ANGEL2: variants seen among roughly 807,000 people sequenced by gnomAD.
The protein encoded by ANGEL2 is angel homolog 2.
ANGEL2 carries 41 observed loss-of-function variants against 66.0 expected under a neutral mutation model. That is an observed-to-expected ratio of 0.62 (90% CI 0.48 to 0.81). The LOEUF (loss-of-function observed/expected upper bound fraction) is 0.81. ANGEL2 is among the 30% of genes least tolerant of loss of function. The pLI is 0.00. For synonymous variants in ANGEL2, 208 were observed against 226.5 expected, an observed-to-expected ratio of 0.92 and a Z score of 0.73; for missense variants, 561 against 641.6, an observed-to-expected ratio of 0.87 and a Z score of 1.36.
At chr1:212,997,695 TG>T (rs1179148105) in intron 7 of ANGEL2, among the ~76,000 whole-genome samples, 1 of 152,234 alleles carries the variant, frequency 6.6e-6, no homozygotes, top group African/African-American at 2.4e-5. Context: ...AGACTTTTGA[TG>T]ACAGAGAGGC....
intron 4 of ANGEL2, among the ~76,000 whole-genome samples, chr1:213,006,111 T>C (rs1321897562): frequency 6.6e-6 from 1 of 152,228 alleles, no homozygotes; most frequent in East Asian, 1.9e-4. Context: ...TTTTGCCCAA[T>C]GCTATATCCT....
intron 7 of ANGEL2, among the ~76,000 whole-genome samples, chr1:212,999,684 G>C (rs2076127135): frequency 6.6e-6 from 1 of 152,178 alleles, no homozygotes; most frequent in African/African-American, 2.4e-5. Flanking sequence ...TTAAGTCTCT[G>C]TCCTGTTTTA....
intron 7 of ANGEL2, 62 bp downstream of exon 7, chr1:213,000,264 A>C: frequency 6.9e-7 from 1 of 1,456,428 alleles, no homozygotes; most frequent in Non-Finnish European, 9.6e-7. Context: ...GTGATTTTTG[A>C]GAAATGAGTT....
chr1:213,014,320 T>A lies in ANGEL2; in HGVS notation c.60-902A>T, dbSNP rs2076581820. ...ACAGCATCAATAATGTGCGCTCCCA[T>A]CCCTAAGGGAATTTTGTTTAAGTTG... On this transcript the variant is annotated intron_variant, in intron 1 of 8. Transcript: ENST00000366962. Among the ~76,000 whole-genome samples, 3 of 152,246 alleles carry A rather than the reference T, an allele frequency of 2.0e-5. No homozygotes were observed. The South Asian group carries it at 6.2e-4, about 31-fold the overall frequency.
In ANGEL2 at chr1:213,008,469, G is replaced by C; in HGVS notation, c.386-3C>G. 1 of 1,610,414 alleles carries C rather than the reference G, an allele frequency of 6.2e-7. No individual in the cohort carries two copies. Among genetic ancestry groups the C allele is most frequent in the South Asian group, 1.1e-5 (1 of 90,680 alleles). On this transcript the variant is annotated splice_region_variant and splice_polypyrimidine_tract_variant and intron_variant, in intron 2 of 8. Transcript: ENST00000366962. Reference sequence around the variant, plus strand: ...TTCCCAATTCCGCTTTATCACACCTGTTAAAATATATTGCACAAATATAAG... The same window carrying C: ...TTCCCAATTCCGCTTTATCACACCTCTTAAAATATATTGCACAAATATAAG...
At chr1:213,014,450 A>T (rs984774989) in intron 1 of ANGEL2, among the ~76,000 whole-genome samples, 1 of 152,192 alleles carries the variant, frequency 6.6e-6, no homozygotes, top group Non-Finnish European at 1.5e-5. Context: ...GTTCTCTAAA[A>T]TCTACTTAAT....
rs774776662 is a variant in ANGEL2 at position 212,995,483 on chromosome 1, C to CT, written c.1484-292dup. On this transcript the variant is annotated intron_variant, in intron 8 of 8. Transcript: ENST00000366962. ...GTTAAGGGTAATTTGTGGTTGACAACTACATAAGAAACTCATCCAGCAACC... is the reference window on the plus strand; with the variant it reads ...GTTAAGGGTAATTTGTGGTTGACAACTTACATAAGAAACTCATCCAGCAACC... Among the ~76,000 whole-genome samples, 272 of 152,312 alleles carry CT rather than the reference C, an allele frequency of 1.8e-3. 3 individuals are homozygous for CT. Among genetic ancestry groups the CT allele is most frequent in the Admixed American group, 4.1e-3 (62 of 15,302 alleles).
Position 213,005,089 on chromosome 1 carries a change from G to C in ANGEL2, c.1078C>G (p.Leu360Val), listed in dbSNP as rs1185488043. The change falls in exon 5 of 9, where the codon CTA becomes GTA. Residue 360 changes from leucine (L) to valine (V), a missense_variant. Physicochemically the swap from Leu to Val is conservative, Grantham distance 32. Transcript: ENST00000366962. ...TTTCCTTCCTTTATGAAACTATATA[G>C]TGGAGAACCAGGAACAGAATTAAAG... ...GDFNSVPGSP[L>V]YSFIKEGKLN... is the part of the protein sequence containing the mutation. 6.2e-7 allele frequency: 1 copy of C among 1,610,360 alleles called. No homozygotes were observed. Among genetic ancestry groups the C allele is most frequent in the Admixed American group, 1.7e-5 (1 of 59,294 alleles).
chr1:212,999,277 G>A (rs920180191), intron 7 of ANGEL2, among the ~76,000 whole-genome samples: 1 of 152,132 alleles, frequency 6.6e-6, no homozygotes, highest in Non-Finnish European at 1.5e-5. Flanking sequence ...GCCTCCCAAA[G>A]TGCTGAGATT....
intron 2 of ANGEL2, among the ~76,000 whole-genome samples, chr1:213,010,961 T>C (rs2076491168): frequency 6.6e-6 from 1 of 152,184 alleles, no homozygotes; most frequent in Non-Finnish European, 1.5e-5. Context: ...TTCTACAACT[T>C]GTAGAACCCT....
intron 4 of ANGEL2, chr1:213,006,492 G>A (rs12026770): frequency 0.46 from 68,534 of 149,044 alleles, 19,601 homozygotes; most frequent in Non-Finnish European, 0.63. Flanking sequence ...ATTGCTGAAT[G>A]AATGAATGCA....
chr1:213,000,825 C>T lies in ANGEL2; in HGVS notation c.1222G>A (p.Val408Met), dbSNP rs926341104. 6.2e-7 allele frequency: 1 copy of T among 1,612,318 alleles called. No individual in the cohort carries two copies. Among genetic ancestry groups the T allele is most frequent in the East Asian group, 2.2e-5 (1 of 44,778 alleles). The change falls in exon 6 of 9, where the codon GTG (valine) becomes ATG (methionine). Residue 408 changes from valine (V) to methionine (M), a missense_variant. Transcript: ENST00000366962. ...PPNLGISQNC[V>M]YEVQQVPKVE... ...TTTGGTACCTGCTGTACCTCATACA[C>T]ACAGTTCTGTGAGATACCTAGGTTT...
Position 213,005,028 on chromosome 1 carries a change from C to T in ANGEL2, c.1134+5G>A. On this transcript the variant is annotated splice_donor_5th_base_variant and intron_variant, in intron 5 of 8. Coordinates refer to ENST00000366962, the MANE Select transcript of ANGEL2 (RefSeq NM_144567.5). Reference sequence around the variant, plus strand: ...CTCCCTAATAACAATGAAGAAAGCACTTACCTTTCCTATGGGAAGTCCTTC... The same window carrying T: ...CTCCCTAATAACAATGAAGAAAGCATTTACCTTTCCTATGGGAAGTCCTTC... 1.3e-6 allele frequency: 2 copies of T among 1,536,800 alleles called. No homozygotes were observed. The highest frequency in any genetic ancestry group is 1.7e-6 in the Non-Finnish European group (2 of 1,148,890).
chr1:213,008,141 A>T (rs2076392614), intron 3 of ANGEL2, 69 bp downstream of exon 3: 6 of 1,519,600 alleles, frequency 3.9e-6, no homozygotes, highest in Non-Finnish European at 5.3e-6. Context: ...TGGGATTACA[A>T]GCATGAGCCA....
chr1:212,999,247 C>G lies in ANGEL2; in HGVS notation c.1319+1079G>C, dbSNP rs1015745045. On this transcript the variant is annotated intron_variant, in intron 7 of 8. Transcript: ENST00000366962. ...CAGGCTGGTTTCAAACTCCTGGGCT[C>G]AAGCAATCCTCCCGCCCTGGCCTCC... is the stretch of plus-strand genomic sequence containing the variant. 2.6e-5 allele frequency among the ~76,000 whole-genome samples: 4 copies of G among 152,236 alleles called. No individual in the cohort carries two copies. The South Asian group carries it at 8.3e-4, about 32-fold the overall frequency.
intron 4 of ANGEL2, 51 bp downstream of exon 4, chr1:213,007,078 G>GT (rs1428417657): frequency 6.6e-7 from 1 of 1,511,396 alleles, no homozygotes; most frequent in Non-Finnish European, 9.0e-7. Flanking sequence ...GGGCGACAGA[G>GT]TGAGACCCTG....
Position 212,997,169 on chromosome 1 carries a change from A to C in ANGEL2, c.1469T>G (p.Val490Gly), listed in dbSNP as rs771253886. The part of the protein sequence containing the change: ...YIFYSAEKED[V>G]AGHPGAEVAL... ...GCATTCCTTACCTGGGTGCCCAGCA[A>C]CATCTTCCTTTTCTGCAGAGTAGAA... Residue 490 changes from valine (V) to glycine (G), a missense_variant, in exon 8 of 9, where the codon GTT (valine) becomes GGT (glycine). Physicochemically the swap from Val to Gly is moderately radical, Grantham distance 109. Coordinates refer to ENST00000366962, the MANE Select transcript of ANGEL2 (RefSeq NM_144567.5). The C allele has an allele frequency of 6.2e-7, 1 of 1,612,970 alleles. No homozygotes were observed. The highest frequency in any genetic ancestry group is 1.1e-5 in the South Asian group (1 of 90,982).
chr1:212,996,307 AAAAC>A (rs912638934), intron 8 of ANGEL2, among the ~76,000 whole-genome samples: 17 of 152,082 alleles, frequency 1.1e-4, no homozygotes, highest in South Asian at 1.0e-3. Flanking sequence ...CTCCGTCTCA[AAAAC>A]AAACAAACAA....
intron 4 of ANGEL2, 90 bp downstream of exon 4, chr1:213,007,039 A>C: frequency 8.1e-7 from 1 of 1,236,652 alleles, no homozygotes; most frequent in Non-Finnish European, 1.2e-6. Flanking sequence ...GGCTGTAGTG[A>C]GCCATGATTG....
Sources: gnomAD v4.1 joint callset for allele counts (sites outside exome capture counted in the v4.1 genomes callset) on GRCh38, gnomAD v4.1.1 for gene constraint, MANE v1.5 for transcripts, NCBI Gene and HGNC (gene_info 2026-07-23, HGNC 2026-07-21) for gene names.